The following LAMA2 variants were observed in gnomAD, a reference collection of about 807,000 sequenced individuals.
LAMA2 encodes the protein laminin subunit alpha-2.
LAMA2 carries 269 observed loss-of-function variants against 364.8 expected under a neutral mutation model. The ratio of observed to expected loss-of-function variants is 0.74; its 90% CI spans 0.67 to 0.82. The LOEUF is 0.82. Among genes scored for constraint, LAMA2 ranks in the 40% least tolerant of loss-of-function variants. LAMA2 has a pLI of 0.00. For synonymous variants in LAMA2, 1,379 were observed against 1,370.6 expected (o/e 1.01, Z -0.14); for missense variants, 3,807 against 3,873.2 (o/e 0.98, Z 0.45).
At chr6:129,008,692 T>C (rs4897290) in intron 1 of LAMA2, among the ~76,000 whole-genome samples, 135,549 of 152,170 alleles carry the variant, frequency 0.89, 61,392 homozygotes, top group East Asian at 0.97. Context: ...CCAAAATTAA[T>C]GTTCAAGAAT....
chr6:129,328,254 C>A, intron 28 of LAMA2, 24 bp from the exon 29 acceptor site: 1 of 1,607,124 alleles, frequency 6.2e-7, no homozygotes, highest in Non-Finnish European at 8.5e-7. Context: ...CTTTGCTGTC[C>A]TAATTGGCTT....
At chr6:129,202,416 A>G (rs1782364262) in intron 12 of LAMA2, among the ~76,000 whole-genome samples, 1 of 152,058 alleles carries the variant, frequency 6.6e-6, no homozygotes, top group Non-Finnish European at 1.5e-5. Context: ...GAATGGGATT[A>G]ACATCCTTAC....
chr6:129,370,180 G>A (rs916242331), intron 34 of LAMA2, among the ~76,000 whole-genome samples, 190 bp downstream of exon 34: 1 of 152,164 alleles, frequency 6.6e-6, no homozygotes, highest in African/African-American at 2.4e-5. Flanking sequence ...CAGAAAAATT[G>A]GGGATACCTG....
In LAMA2 at chr6:129,225,747, C is replaced by A. The variant is rs539075882; in HGVS notation, c.1783-24365C>A. Among the ~76,000 whole-genome samples the A allele has an allele frequency of 2.0e-5, 3 of 152,250 alleles. No homozygotes were observed. The East Asian group carries it at 5.8e-4, about 29-fold the overall frequency. On this transcript the variant is annotated intron_variant, in intron 12 of 64. Transcript: ENST00000421865. ...TTTACATTTGCTGAGGAGTGCTTTA[C>A]TTCCAACTATGTGGTCAATTTTGGA...
intron 30 of LAMA2, among the ~76,000 whole-genome samples, chr6:129,346,485 A>C (rs558696081): frequency 1.2e-3 from 187 of 152,226 alleles, no homozygotes; most frequent in African/African-American, 4.4e-3. Context: ...TCAGGAGATG[A>C]ACATTTACTA....
At chr6:129,469,261 T>G (rs1363412498) in intron 51 of LAMA2, among the ~76,000 whole-genome samples, 1 of 151,880 alleles carries the variant, frequency 6.6e-6, no homozygotes, top group African/African-American at 2.4e-5. Flanking sequence ...GTGGAAGACA[T>G]ATTGTCAGAA....
intron 45 of LAMA2, among the ~76,000 whole-genome samples, chr6:129,451,999 C>A (rs9375627): frequency 0.15 from 22,560 of 152,132 alleles, 1,771 homozygotes; most frequent in East Asian, 0.21. Context: ...AATGGAAATT[C>A]ACTGCTAGTG....
At chr6:129,227,715 G>A (rs937957944) in intron 12 of LAMA2, among the ~76,000 whole-genome samples, 5 of 152,168 alleles carry the variant, frequency 3.3e-5, no homozygotes, top group African/African-American at 7.2e-5. Context: ...GTACTCGGCC[G>A]TGTGGGATGT....
At position 129,059,860 on chromosome 6, in the gene LAMA2, A is replaced by G. The variant is rs1334605369; in HGVS notation, c.360A>G (p.Glu120=). The part of the protein sequence containing the change: ...WQSPSIKNGI[E]YHYVTITLDL... ...GTCCCAGTATTAAGAATGGAATCGAATACCATTATGTGACAATTACCCTGG... is the reference window on the plus strand; with the variant it reads ...GTCCCAGTATTAAGAATGGAATCGAGTACCATTATGTGACAATTACCCTGG... The change falls in exon 3 of 65, where the codon GAA becomes GAG. Residue 120 remains glutamate (E), a synonymous_variant. Transcript: ENST00000421865. 1.2e-6 allele frequency: 2 copies of G among 1,603,916 alleles called. No homozygotes were observed.
chr6:129,393,864 G>T (rs73591271), intron 37 of LAMA2, among the ~76,000 whole-genome samples: 9 of 152,008 alleles, frequency 5.9e-5, no homozygotes, highest in East Asian at 1.9e-4. Context: ...TTTTCTATGC[G>T]CTGTGTTCTA....
rs1169241862 is a variant in LAMA2 at position 129,503,176 on chromosome 6, A to G, written c.8443A>G (p.Thr2815Ala). Residue 2815 changes from threonine to alanine, a missense_variant, in exon 60 of 65, where the codon ACA (threonine) becomes GCA (alanine). Coordinates refer to ENST00000421865, the MANE Select transcript of LAMA2 (RefSeq NM_000426.4). ...MARINHADFA[T>A]VQLRNGLPYF... ...TCGCATCAATCATGCTGATTTTGCA[A>G]CAGTTCAGCTGAGAAATGGATTGCC... 1.2e-6 allele frequency: 2 copies of G among 1,614,170 alleles called. No homozygotes were observed. The highest frequency in any genetic ancestry group is 1.7e-6 in the Non-Finnish European group (2 of 1,179,990).
At chr6:129,112,215 A>G (rs910075353) in intron 4 of LAMA2, among the ~76,000 whole-genome samples, 5 of 151,926 alleles carry the variant, frequency 3.3e-5, no homozygotes, top group Admixed American at 1.3e-4. Context: ...AAAATCCTCT[A>G]TTGCTTTTTA....
At chr6:128,980,614 TATAA>T (rs1281409293) in intron 1 of LAMA2, among the ~76,000 whole-genome samples, 1 of 152,204 alleles carries the variant, frequency 6.6e-6, no homozygotes, top group Non-Finnish European at 1.5e-5. Flanking sequence ...ATTTCACATC[TATAA>T]ATAAATAAGC....
Position 129,051,401 on chromosome 6 carries a change from C to T in LAMA2, c.283+1313C>T, listed in dbSNP as rs1788000236. On this transcript the variant is annotated intron_variant, in intron 2 of 64. Transcript: ENST00000421865. ...GATCTCAGCTCACTGCAACCGCCATCTCCCGGGTTCAAGCAATTCTCCTGC... is the reference window on the plus strand; with the variant it reads ...GATCTCAGCTCACTGCAACCGCCATTTCCCGGGTTCAAGCAATTCTCCTGC... Among the ~76,000 whole-genome samples, 6 of 148,670 alleles carry T rather than the reference C, an allele frequency of 4.0e-5. No homozygotes were observed. In the South Asian group the frequency reaches 1.3e-3, roughly 31 times the overall value.
chr6:129,439,075 C>G (rs530430071), intron 42 of LAMA2, among the ~76,000 whole-genome samples: 2 of 151,766 alleles, frequency 1.3e-5, no homozygotes, highest in African/African-American at 4.8e-5. Flanking sequence ...GACCCCCCCC[C>G]ACAGATATCA....
Position 129,393,030 on chromosome 6 carries a change from TG to T in LAMA2, c.5235-10del, listed in dbSNP as rs746209240. 4 of 1,608,810 alleles carry T rather than the reference TG, an allele frequency of 2.5e-6. No individual in the cohort carries two copies. The East Asian group carries it at 6.7e-5, about 27-fold the overall frequency. ...ATGAGCTCATTGTCTATTATTGGGC[TG>T]GGGGTGGTTACAGAGCTGCAGAAGC... is the stretch of plus-strand genomic sequence containing the variant. On this transcript the variant is annotated splice_polypyrimidine_tract_variant and intron_variant, in intron 36 of 64. Coordinates refer to ENST00000421865, the MANE Select transcript of LAMA2 (RefSeq NM_000426.4).
chr6:128,912,877 G>A (rs1778071566), intron 1 of LAMA2, among the ~76,000 whole-genome samples: 2 of 152,282 alleles, frequency 1.3e-5, no homozygotes, highest in South Asian at 4.1e-4. Context: ...GTTTTGAACA[G>A]AAGAGAATTT....
chr6:129,367,061 C>T (rs555414285), intron 33 of LAMA2, among the ~76,000 whole-genome samples: 4 of 152,304 alleles, frequency 2.6e-5, no homozygotes, highest in African/African-American at 9.6e-5. Context: ...AATGAAAACA[C>T]ATGATTAGAA....
chr6:129,051,504 G>A (rs986872537), intron 2 of LAMA2, among the ~76,000 whole-genome samples: 4 of 147,572 alleles, frequency 2.7e-5, no homozygotes, highest in Non-Finnish European at 5.9e-5. Context: ...TAGAAATGGG[G>A]TTTTACCATG....
Sources: gnomAD v4.1 joint callset for allele counts (sites outside exome capture counted in the v4.1 genomes callset) on GRCh38, gnomAD v4.1.1 for gene constraint, MANE v1.5 for transcripts, NCBI Gene and HGNC (gene_info 2026-07-23, HGNC 2026-07-21) for gene names.